The following LIMCH1 variants were observed in gnomAD, a reference collection of about 807,000 sequenced individuals.
LIMCH1 encodes the protein LIM and calponin homology domains 1, also known as LIM and calponin homology domains-containing protein 1.
LIMCH1 carries 113 observed loss-of-function variants against 176.5 expected under a neutral mutation model. The observed-to-expected ratio is 0.64, with a 90% CI of 0.55 to 0.75. LIMCH1 has a LOEUF of 0.75. LIMCH1 is among the 30% of genes least tolerant of loss of function. The probability of loss-of-function intolerance (pLI) is 0.00; values close to 1 mark genes in which losing one functional copy is unlikely to be tolerated. For synonymous variants in LIMCH1, 619 were observed against 645.9 expected, an observed-to-expected ratio of 0.96 and a Z score of 0.63; for missense variants, 1,674 against 1,814.9, an observed-to-expected ratio of 0.92 and a Z score of 1.41.
chr4:41,514,008 A>AAAAAG, intron 2 of LIMCH1, among the ~76,000 whole-genome samples: 1 of 31,372 alleles, frequency 3.2e-5, no homozygotes. Context: ...TCCGTCTTAA[A>AAAAAG]AAAAAAAAAA....
intron 1 of LIMCH1, among the ~76,000 whole-genome samples, chr4:41,582,883 G>A (rs1037482465): frequency 2.0e-5 from 3 of 152,150 alleles, no homozygotes; most frequent in Non-Finnish European, 4.4e-5. Flanking sequence ...TGGCATACCT[G>A]TTAGCTTTGT....
chr4:41,495,063 T>C (rs563956462), intron 2 of LIMCH1, among the ~76,000 whole-genome samples: 2 of 152,322 alleles, frequency 1.3e-5, no homozygotes, highest in South Asian at 4.1e-4. Flanking sequence ...GTATTTCAAA[T>C]ATGTTTAATC....
intron 2 of LIMCH1, among the ~76,000 whole-genome samples, chr4:41,511,466 C>T (rs1164779780): frequency 6.6e-6 from 1 of 152,218 alleles, no homozygotes; most frequent in African/African-American, 2.4e-5. Context: ...TGCTGTCTCC[C>T]TCATTTCTTG....
intron 27 of LIMCH1, among the ~76,000 whole-genome samples, chr4:41,684,726 G>A (rs1719216102): frequency 6.6e-6 from 1 of 152,074 alleles, no homozygotes; most frequent in South Asian, 2.1e-4. Context: ...AGACCTGAGA[G>A]CGTGTTCGCA....
intron 1 of LIMCH1, among the ~76,000 whole-genome samples, chr4:41,565,528 T>C (rs920623259): frequency 3.9e-5 from 6 of 152,000 alleles, no homozygotes; most frequent in African/African-American, 1.2e-4. Flanking sequence ...TAGAGTCTTA[T>C]GATTTTTTAG....
At chr4:41,544,764 C>A (rs59613689) in intron 1 of LIMCH1, among the ~76,000 whole-genome samples, 3,522 of 152,260 alleles carry the variant, frequency 0.023, 116 homozygotes, top group African/African-American at 0.074. Flanking sequence ...ACTGGATCAG[C>A]CTTACTGCCA....
chr4:41,468,348 T>TCCCC (rs1187164500), intron 1 of LIMCH1, among the ~76,000 whole-genome samples: 3 of 11,324 alleles, frequency 2.6e-4, no homozygotes, highest in Admixed American at 1.2e-3. Flanking sequence ...CCTCCCCTCC[T>TCCCC]CCTCCTCCCT....
At chr4:41,362,876 T>G (rs1010190249) in intron 1 of LIMCH1, among the ~76,000 whole-genome samples, 9 of 152,212 alleles carry the variant, frequency 5.9e-5, no homozygotes, top group Non-Finnish European at 4.4e-5. Context: ...TAGAACCTCA[T>G]TAAGCCCTAT....
intron 2 of LIMCH1, among the ~76,000 whole-genome samples, chr4:41,600,400 G>T (rs964064403): frequency 6.6e-6 from 1 of 152,182 alleles, no homozygotes; most frequent in African/African-American, 2.4e-5. Flanking sequence ...AGAAACAATA[G>T]CAACTGTGCA....
At chr4:41,547,740 TAA>T (rs2079705127) in intron 1 of LIMCH1, among the ~76,000 whole-genome samples, 1 of 144,664 alleles carries the variant, frequency 6.9e-6, no homozygotes, top group Non-Finnish European at 1.5e-5. Flanking sequence ...AATATATACA[TAA>T]ATAATATATA....
chr4:41,398,983 T>C (rs2058089319), intron 1 of LIMCH1, among the ~76,000 whole-genome samples: 1 of 152,130 alleles, frequency 6.6e-6, no homozygotes, highest in South Asian at 2.1e-4. Flanking sequence ...TCCAGAAACA[T>C]AAAAGGAGAA....
At chr4:41,469,870 C>T (rs2066699083) in intron 1 of LIMCH1, among the ~76,000 whole-genome samples, 1 of 152,014 alleles carries the variant, frequency 6.6e-6, no homozygotes, top group South Asian at 2.1e-4. Context: ...TTAGTAGAGA[C>T]AGAGTTTCAC....
chr4:41,368,142 A>G (rs73232183), intron 1 of LIMCH1, among the ~76,000 whole-genome samples: 13,782 of 152,232 alleles, frequency 0.091, 925 homozygotes, highest in East Asian at 0.31. Flanking sequence ...ATGGAATGAA[A>G]GCGACAATAA....
chr4:41,555,031 C>T (rs1392450408), intron 1 of LIMCH1, among the ~76,000 whole-genome samples: 4 of 152,140 alleles, frequency 2.6e-5, no homozygotes, highest in African/African-American at 9.7e-5. Flanking sequence ...TTTGAGAACT[C>T]CTGTAGTTGA....
intron 26 of LIMCH1, 114 bp from the exon 27 acceptor site, chr4:41,684,283 C>T (rs967538924): frequency 1.3e-5 from 10 of 769,076 alleles, no homozygotes; most frequent in South Asian, 3.2e-5. Context: ...ATAAAGAGTC[C>T]CATCTCTTTT....
intron 1 of LIMCH1, among the ~76,000 whole-genome samples, chr4:41,584,572 C>A (rs537905858): frequency 1.3e-5 from 2 of 152,282 alleles, no homozygotes; most frequent in South Asian, 4.1e-4. Flanking sequence ...ACATTATGAA[C>A]TCTCAAGTGG....
upstream of LIMCH1, among the ~76,000 whole-genome samples, chr4:41,533,465 CT>C (rs1421158099): frequency 6.6e-6 from 1 of 152,122 alleles, no homozygotes; most frequent in Non-Finnish European, 1.5e-5. Flanking sequence ...GCTCCTTGTG[CT>C]TATAGGACTT....
intron 3 of LIMCH1, among the ~76,000 whole-genome samples, chr4:41,526,715 C>T (rs1457409244): frequency 1.3e-5 from 2 of 152,196 alleles, no homozygotes; most frequent in Non-Finnish European, 2.9e-5. Flanking sequence ...AGTTTCATCT[C>T]GGTATCCTAC....
chr4:41,435,593 A>G (rs576460328), intron 1 of LIMCH1, among the ~76,000 whole-genome samples: 2 of 152,352 alleles, frequency 1.3e-5, no homozygotes, highest in South Asian at 4.1e-4. Context: ...TGAGTGCAGA[A>G]TAAAGCTAAT....
Sources: allele counts gnomAD v4.1 joint callset (sites outside exome capture counted in the v4.1 genomes callset), GRCh38; gene constraint gnomAD v4.1.1; transcripts MANE v1.5; gene names NCBI Gene and HGNC (gene_info 2026-07-23, HGNC 2026-07-21).